The following UAP1 variants were observed in gnomAD, a reference collection of about 807,000 sequenced individuals.
UAP1 encodes UDP-N-acetylglucosamine pyrophosphorylase 1, also known as UDP-N-acetylhexosamine pyrophosphorylase.
In UAP1, 25 loss-of-function variants were observed where a neutral mutation model predicts 58.5. That is an observed-to-expected ratio of 0.43 (90% CI 0.31 to 0.60). The LOEUF is 0.60. UAP1 is among the 20% of genes least tolerant of loss of function. The pLI is 0.11. For synonymous variants in UAP1, 208 were observed against 213.0 expected (o/e 0.98, Z 0.21); for missense variants, 575 against 630.0 (o/e 0.91, Z 0.93).
chr1:162,597,898 C>G (rs1655703188), intron 10 of UAP1, 40 bp downstream of exon 10: 2 of 1,524,576 alleles, frequency 1.3e-6, no homozygotes, highest in African/African-American at 1.4e-5. Context: ...TTTTACAAAG[C>G]TTTGTATATT....
Position 162,573,117 on chromosome 1 carries a change from C to T in UAP1, c.281-3660C>T, listed in dbSNP as rs190889612. Among the ~76,000 whole-genome samples the T allele has an allele frequency of 1.9e-3, 282 of 152,260 alleles. 2 individuals carry two copies. Among genetic ancestry groups the T allele is most frequent in the Admixed American group, 0.017 (255 of 15,284 alleles). ...CTGTTCCCTTTAAATTTCTTCATCT[C>T]AGTTTTTGTTATATAGTGGTTTATG... On this transcript the variant is annotated intron_variant, in intron 2 of 10. Coordinates refer to ENST00000271469, the Ensembl canonical transcript of UAP1.
At chr1:162,594,516 G>A (rs963650607) in intron 9 of UAP1, among the ~76,000 whole-genome samples, 8 of 152,176 alleles carry the variant, frequency 5.3e-5, no homozygotes, top group African/African-American at 1.7e-4. Context: ...GTTGGGGACC[G>A]CTGCCATAGA....
rs904175679 is a variant in UAP1 at position 162,592,597 on chromosome 1, C to G, written c.1359-135C>G. On this transcript the variant is annotated intron_variant, in intron 8 of 10. Coordinates refer to ENST00000271469, the Ensembl canonical transcript of UAP1. ...AGTTTTATTTTTATTTTTTTACCCC[C>G]TTTTGGTCTCTTGGGACGAATTTAT... 1.6e-5 allele frequency: 11 copies of G among 668,252 alleles called. No homozygotes were observed. The Admixed American group carries it at 2.3e-4, about 14-fold the overall frequency. The allele number at this position is 668,252 out of a possible 1,614,324, so 41.4% of individuals were successfully genotyped here.
intron 2 of UAP1, among the ~76,000 whole-genome samples, chr1:162,573,608 T>G (rs1653998828): frequency 6.6e-6 from 1 of 152,156 alleles, no homozygotes; most frequent in Admixed American, 6.5e-5. Flanking sequence ...TAAGGTCAGC[T>G]TCATATCAAA....
At chr1:162,568,315 C>T (rs1158927215) in intron 2 of UAP1, among the ~76,000 whole-genome samples, 1 of 152,080 alleles carries the variant, frequency 6.6e-6, no homozygotes, top group Admixed American at 6.5e-5. Flanking sequence ...AAGGGTGTTC[C>T]AAAGAACCCA....
intron 6 of UAP1, among the ~76,000 whole-genome samples, chr1:162,588,289 C>G (rs1425521504): frequency 1.3e-5 from 2 of 152,170 alleles, no homozygotes; most frequent in East Asian, 3.8e-4. Flanking sequence ...GATGACTTGT[C>G]TACTTTTTAA....
chr1:162,594,954 T>C (rs775089710), intron 9 of UAP1, among the ~76,000 whole-genome samples: 13 of 152,060 alleles, frequency 8.5e-5, no homozygotes, highest in Admixed American at 6.6e-5. Flanking sequence ...TTGTGAGAGA[T>C]GAAAAGGAAG....
At chr1:162,569,865 T>C (rs1653739627) in intron 2 of UAP1, among the ~76,000 whole-genome samples, 2 of 152,094 alleles carry the variant, frequency 1.3e-5, no homozygotes, top group African/African-American at 2.4e-5. Context: ...TTAAAAGTAA[T>C]ACAGCCGGGC....
downstream of UAP1, among the ~76,000 whole-genome samples, chr1:162,600,714 A>C (rs1347204995): frequency 2.0e-5 from 3 of 151,670 alleles, no homozygotes; most frequent in Non-Finnish European, 4.4e-5. Context: ...TTTTTAACTA[A>C]GGCCTAAATC....
chr1:162,583,896 T>A (rs1654755907), intron 5 of UAP1, among the ~76,000 whole-genome samples: 1 of 152,140 alleles, frequency 6.6e-6, no homozygotes. Flanking sequence ...TGCTTTGGCC[T>A]CCCAAAGTGC....
intron 3 of UAP1, 62 bp downstream of exon 3, chr1:162,577,043 G>A (rs148308271): frequency 6.7e-7 from 1 of 1,485,440 alleles, no homozygotes; most frequent in African/African-American, 1.4e-5. Flanking sequence ...TATTCAAAAT[G>A]CATATATACT....
In UAP1 at chr1:162,576,776, G is replaced by A; in HGVS notation, c.281-1G>A. ...TGTGATACAAGTGTTTTCTTTTCTA[G>A]GACTTTTCCAGATTTCTCAGAATAA... On this transcript the variant is annotated splice_acceptor_variant, in intron 2 of 10. Transcript: ENST00000271469. LOFTEE classifies it high-confidence loss of function. The A allele has an allele frequency of 6.2e-7, 1 of 1,613,192 alleles. No individual in the cohort carries two copies. Among genetic ancestry groups the A allele is most frequent in the Non-Finnish European group, 8.5e-7 (1 of 1,179,750 alleles).
At chr1:162,569,945 C>T (rs778434366) in intron 2 of UAP1, among the ~76,000 whole-genome samples, 11 of 151,974 alleles carry the variant, frequency 7.2e-5, no homozygotes, top group South Asian at 2.1e-4. Context: ...GTCAGGAGAT[C>T]GAGACCATCC....
At chr1:162,577,983 G>A (rs1654314876) in intron 3 of UAP1, among the ~76,000 whole-genome samples, 1 of 151,512 alleles carries the variant, frequency 6.6e-6, no homozygotes, top group African/African-American at 2.4e-5. Flanking sequence ...TGCCCCCCTC[G>A]ACCTCCCAAA....
exon 10 of UAP1, chr1:162,597,836 C>G (rs1360143547): frequency 6.2e-7 from 1 of 1,613,184 alleles, no homozygotes; most frequent in Non-Finnish European, 8.5e-7. Flanking sequence ...GAAATCTCTC[C>G]TCTTATCTCC....
At chr1:162,590,294 A>G (rs771569434) in intron 7 of UAP1, 29 bp from the exon 8 acceptor site, 12 of 1,580,438 alleles carry the variant, frequency 7.6e-6, no homozygotes, top group South Asian at 1.2e-5. Flanking sequence ...GTTTCATAAT[A>G]AAGAGGTCTT....
exon 2 of UAP1, chr1:162,566,295 T>C (rs775120094): frequency 6.2e-7 from 1 of 1,614,080 alleles, no homozygotes; most frequent in South Asian, 1.1e-5. Context: ...CCTCGAGAGG[T>C]ATTAGGCAGT....
In UAP1 at chr1:162,579,424, TA is replaced by T; in HGVS notation, c.486-2del. 1 of 1,499,764 alleles carries T rather than the reference TA, an allele frequency of 6.7e-7. No homozygotes were observed. Among genetic ancestry groups the T allele is most frequent in the Non-Finnish European group, 8.9e-7 (1 of 1,120,988 alleles). 92.9% of individuals were successfully genotyped at this position (1,499,764 alleles called of 1,614,324 possible). A position where few individuals can be genotyped will look rare whatever the true frequency, so the allele number is the denominator to read the frequency against. On this transcript the variant is annotated splice_polypyrimidine_tract_variant and splice_region_variant and intron_variant, in intron 3 of 10. Coordinates refer to ENST00000271469, the Ensembl canonical transcript of UAP1. The stretch of plus-strand genomic sequence containing the variant: ...GCTTAGAAGATCTGATTTTCTCTTG[TA>T]AGGTATATAATGACCAGTGGCAGAA...
At chr1:162,576,946 T>C (rs1654224494) in exon 3 of UAP1, 1 of 1,614,214 alleles carries the variant, frequency 6.2e-7, no homozygotes, top group Non-Finnish European at 8.5e-7. Context: ...AGCAGGTTGC[T>C]GAAAAATATT....
Sources: allele counts gnomAD v4.1 joint callset (sites outside exome capture counted in the v4.1 genomes callset), GRCh38; gene constraint gnomAD v4.1.1; transcripts MANE v1.5; gene names NCBI Gene and HGNC (gene_info 2026-07-23, HGNC 2026-07-21).